Variants in ANO4 observed in about 807,000 individuals in gnomAD.
ANO4 encodes anoctamin 4, also known as anoctamin-4.
Under a neutral mutation model 141.9 loss-of-function variants are expected in ANO4, and 69 were observed. The observed-to-expected ratio is 0.49, with a 90% CI of 0.40 to 0.59. The LOEUF (loss-of-function observed/expected upper bound fraction) is 0.59, where lower values mean the gene tolerates loss of function less well. Among genes scored for constraint, ANO4 ranks in the 20% least tolerant of loss-of-function variants. The probability of loss-of-function intolerance (pLI) is 0.00; values close to 1 mark genes in which losing one functional copy is unlikely to be tolerated. For missense variants in ANO4, 894 were observed against 1,162.2 expected (o/e 0.77, Z 3.36); for synonymous variants, 350 against 394.3 (o/e 0.89, Z 1.33).
At chr12:101,084,260 C>T (rs1277237305) in intron 16 of ANO4, among the ~76,000 whole-genome samples, 1 of 152,120 alleles carries the variant, frequency 6.6e-6, no homozygotes, top group African/African-American at 2.4e-5. Context: ...TAAAACAGTG[C>T]TCACCTTTAT....
At chr12:100,779,730 G>A (rs2033654344) in intron 3 of ANO4, among the ~76,000 whole-genome samples, 1 of 152,046 alleles carries the variant, frequency 6.6e-6, no homozygotes, top group East Asian at 1.9e-4. Flanking sequence ...TCTCAGACAT[G>A]TAGTTGCCAT....
chr12:101,066,737 G>T, intron 14 of ANO4: 1 of 838,856 alleles, frequency 1.2e-6, no homozygotes. Context: ...CGTTGCCATG[G>T]CCACAGTTCC....
At chr12:100,942,621 G>A in intron 5 of ANO4, 86 bp downstream of exon 5, 6 of 1,381,486 alleles carry the variant, frequency 4.3e-6, no homozygotes, top group Non-Finnish European at 5.8e-6. Flanking sequence ...CAGTCTTAAT[G>A]TTAACCAAAC....
intron 14 of ANO4, among the ~76,000 whole-genome samples, chr12:101,057,003 G>T (rs1367963699): frequency 2.7e-5 from 4 of 149,692 alleles, no homozygotes; most frequent in Non-Finnish European, 5.9e-5. Flanking sequence ...TTCCCTCCCC[G>T]ATCCCCCTAT....
intron 3 of ANO4, among the ~76,000 whole-genome samples, chr12:100,924,097 A>G (rs1400009896): frequency 1.3e-5 from 2 of 151,626 alleles, no homozygotes; most frequent in East Asian, 1.9e-4. Context: ...TTGCTTATTC[A>G]CTCTGATGGT....
chr12:100,958,850 AAAAC>A (rs141003281), intron 5 of ANO4, among the ~76,000 whole-genome samples: 8,753 of 152,228 alleles, frequency 0.057, 295 homozygotes, highest in Admixed American at 0.11. Context: ...CTGTCTCAAA[AAAAC>A]AAACAAACAA....
intron 14 of ANO4, chr12:101,068,498 C>A (rs1480783763): frequency 3.8e-6 from 4 of 1,041,422 alleles, no homozygotes; most frequent in Non-Finnish European, 4.6e-6. Flanking sequence ...CAGTAAAGAT[C>A]GCAACTTTCA....
chr12:100,944,394 G>C (rs562761067), intron 5 of ANO4, among the ~76,000 whole-genome samples: 7 of 152,206 alleles, frequency 4.6e-5, no homozygotes, highest in Admixed American at 3.3e-4. Flanking sequence ...ATTTTAACAG[G>C]TATTTATTTT....
intron 5 of ANO4, among the ~76,000 whole-genome samples, chr12:100,950,420 C>T (rs548014059): frequency 1.3e-5 from 2 of 152,270 alleles, no homozygotes; most frequent in South Asian, 2.1e-4. Flanking sequence ...AGAGCCCTGG[C>T]GATTCCTTGA....
chr12:101,097,502 T>C, intron 19 of ANO4, 149 bp from the exon 20 acceptor site: 1 of 738,224 alleles, frequency 1.4e-6, no homozygotes, highest in Non-Finnish European at 2.3e-6. Flanking sequence ...GCTATGGTTA[T>C]GACAGATCTG....
intron 14 of ANO4, among the ~76,000 whole-genome samples, chr12:101,062,637 A>C (rs183629282): frequency 2.1e-3 from 314 of 152,326 alleles, no homozygotes; most frequent in African/African-American, 7.2e-3. Flanking sequence ...GCCAAGCTGC[A>C]GTGGGCTCCA....
chr12:100,863,566 G>A (rs2135898729), intron 1 of ANO4, among the ~76,000 whole-genome samples: 1 of 152,186 alleles, frequency 6.6e-6, no homozygotes, highest in Admixed American at 6.5e-5. Context: ...AGAGGTCTCT[G>A]AATTAATTTA....
At chr12:100,815,566 G>A (rs777328929) in intron 1 of ANO4, among the ~76,000 whole-genome samples, 22 of 151,970 alleles carry the variant, frequency 1.4e-4, no homozygotes, top group Non-Finnish European at 2.8e-4. Context: ...TTTGGATTAC[G>A]TAGGTGATAA....
intron 1 of ANO4, among the ~76,000 whole-genome samples, chr12:100,892,563 A>G (rs1274760378): frequency 6.6e-6 from 1 of 152,224 alleles, no homozygotes; most frequent in South Asian, 2.1e-4. Flanking sequence ...TAGAAAGATT[A>G]GTTCCTGGAT....
At position 101,086,852 on chromosome 12, in the gene ANO4, C is replaced by T. The variant is rs189687516; in HGVS notation, c.1701+28C>T. ...AAGTGAGCTGCAGTGGCTAGCCAAA[C>T]GGATCAAAATGTGTGGGCTGCAAGT... On this transcript the variant is annotated intron_variant, in intron 17 of 27. Coordinates refer to ENST00000392977, the MANE Select transcript of ANO4 (RefSeq NM_001286615.2). 1.8e-3 allele frequency: 2,928 copies of T among 1,606,892 alleles called. 6 individuals are homozygous for T. The highest frequency in any genetic ancestry group is 2.3e-3 in the South Asian group (211 of 90,438).
intron 2 of ANO4, among the ~76,000 whole-genome samples, chr12:100,918,634 T>G (rs916789300): frequency 3.3e-5 from 5 of 152,196 alleles, no homozygotes; most frequent in African/African-American, 1.2e-4. Context: ...AATACATTAC[T>G]CACGTGTTTG....
chr12:100,970,953 A>C (rs574836767), intron 5 of ANO4, among the ~76,000 whole-genome samples: 1 of 152,262 alleles, frequency 6.6e-6, no homozygotes, highest in South Asian at 2.1e-4. Flanking sequence ...TCCTGACCTC[A>C]GGTGATCTGC....
chr12:101,098,055 C>T, intron 21 of ANO4, 110 bp downstream of exon 21: 1 of 906,636 alleles, frequency 1.1e-6, no homozygotes, highest in Non-Finnish European at 1.7e-6. Context: ...CCAGTGCGTG[C>T]ACCTGGAACT....
intron 13 of ANO4, 112 bp downstream of exon 13, chr12:101,043,747 T>C: frequency 1.3e-6 from 1 of 755,964 alleles, no homozygotes; most frequent in Non-Finnish European, 2.2e-6. Flanking sequence ...AAGTGAATGT[T>C]GTAGGATAGA....
Sources: allele counts gnomAD v4.1 joint callset (sites outside exome capture counted in the v4.1 genomes callset), GRCh38; gene constraint gnomAD v4.1.1; transcripts MANE v1.5; gene names NCBI Gene and HGNC (gene_info 2026-07-23, HGNC 2026-07-21).